Variants in KPNA3 observed in about 807,000 individuals in gnomAD.
KPNA3 encodes karyopherin subunit alpha 3.
In KPNA3, 13 loss-of-function variants were observed where a neutral mutation model predicts 73.8. The observed-to-expected ratio is 0.18, with a 90% CI of 0.11 to 0.28. The LOEUF is 0.28. KPNA3 is among the 10% of genes least tolerant of loss of function. KPNA3 has a pLI of 1.00. For missense variants in KPNA3, 360 were observed against 618.1 expected, an observed-to-expected ratio of 0.58 and a Z score of 4.43; for synonymous variants, 186 against 206.9, an observed-to-expected ratio of 0.90 and a Z score of 0.87.
chr13:49,751,473 C>CGG (rs140326353), intron 1 of KPNA3, among the ~76,000 whole-genome samples: 30 of 152,146 alleles, frequency 2.0e-4, no homozygotes, highest in African/African-American at 7.0e-4. Flanking sequence ...ACAATGCAGC[C>CGG]GGGGGGGTTC....
At chr13:49,749,013 TCCTATAACTGA>T (rs1389039999) in intron 1 of KPNA3, among the ~76,000 whole-genome samples, 1 of 152,216 alleles carries the variant, frequency 6.6e-6, no homozygotes, top group Admixed American at 6.5e-5. Context: ...CTTCAATTTT[TCCTATAACTGA>T]AAAGAAAAAT....
chr13:49,779,637 T>C (rs1954925242), intron 1 of KPNA3, among the ~76,000 whole-genome samples: 1 of 152,162 alleles, frequency 6.6e-6, no homozygotes, highest in Admixed American at 6.6e-5. Context: ...CCACCCTTCT[T>C]AACAAATAAA....
chr13:49,760,869 AAG>A (rs1310038378), intron 1 of KPNA3, among the ~76,000 whole-genome samples: 1 of 152,154 alleles, frequency 6.6e-6, no homozygotes, highest in Non-Finnish European at 1.5e-5. Flanking sequence ...ATGGAACAAA[AAG>A]AGGAGGCAAG....
chr13:49,775,183 A>G (rs1340510532), intron 1 of KPNA3, among the ~76,000 whole-genome samples: 6 of 125,068 alleles, frequency 4.8e-5, no homozygotes, highest in Admixed American at 8.5e-5. Flanking sequence ...AAAAAAAAAA[A>G]AAAGAAAAAA....
At chr13:49,715,946 A>C (rs1011007462) in intron 10 of KPNA3, among the ~76,000 whole-genome samples, 1 of 152,228 alleles carries the variant, frequency 6.6e-6, no homozygotes, top group African/African-American at 2.4e-5. Flanking sequence ...ATCCTGTGCA[A>C]AACAACATGA....
chr13:49,704,205 C>T (rs988743667), intron 15 of KPNA3, among the ~76,000 whole-genome samples: 12 of 151,884 alleles, frequency 7.9e-5, no homozygotes, highest in Admixed American at 1.3e-4. Flanking sequence ...GCAGATCACC[C>T]GAGGTTGGGA....
At chr13:49,726,520 T>G (rs770091717) in intron 6 of KPNA3, among the ~76,000 whole-genome samples, 2 of 152,104 alleles carry the variant, frequency 1.3e-5, no homozygotes, top group Non-Finnish European at 2.9e-5. Context: ...TGTGTGTGTT[T>G]CAGGATGGGA....
intron 10 of KPNA3, among the ~76,000 whole-genome samples, chr13:49,718,419 A>C (rs1221364506): frequency 6.6e-6 from 1 of 152,174 alleles, no homozygotes; most frequent in Non-Finnish European, 1.5e-5. Flanking sequence ...GTACACTGCC[A>C]CTTTAATACC....
chr13:49,747,426 C>G (rs909741230), intron 1 of KPNA3, among the ~76,000 whole-genome samples: 2 of 152,046 alleles, frequency 1.3e-5, no homozygotes, highest in African/African-American at 4.8e-5. Context: ...TGCAGTGGCT[C>G]ACACCTGTAA....
intron 1 of KPNA3, among the ~76,000 whole-genome samples, chr13:49,777,324 A>C (rs1386239084): frequency 6.6e-6 from 1 of 152,194 alleles, no homozygotes; most frequent in East Asian, 1.9e-4. Context: ...AATGCAAAGA[A>C]AGTATACAGG....
intron 10 of KPNA3, among the ~76,000 whole-genome samples, chr13:49,716,192 A>G (rs1308266716): frequency 3.3e-5 from 5 of 152,066 alleles, no homozygotes; most frequent in African/African-American, 1.2e-4. Flanking sequence ...AGGTCCCAGT[A>G]TGTTGCCTAG....
rs145217956 is a variant in KPNA3 at position 49,719,839 on chromosome 13, A to G, written c.727-20T>C. 5.1e-4 allele frequency: 749 copies of G among 1,468,028 alleles called. No homozygotes were observed. Among genetic ancestry groups the G allele is most frequent in the Admixed American group, 3.7e-3 (215 of 58,700 alleles). The allele number at this position is 1,468,028 out of a possible 1,614,324, so 90.9% of individuals were successfully genotyped here. ...CAAAATCTGAGGAAAGAAAATAAAC[A>G]ATACTTAACATTAGTTAATTAATAT... On this transcript the variant is annotated intron_variant, in intron 9 of 16. Transcript: ENST00000261667.
chr13:49,706,261 G>A lies in KPNA3; in HGVS notation c.1137+7C>T, dbSNP rs775246468. 8.7e-6 allele frequency: 14 copies of A among 1,612,524 alleles called. No individual in the cohort carries two copies. The East Asian group carries it at 2.9e-4, about 33-fold the overall frequency. On this transcript the variant is annotated splice_region_variant and intron_variant, in intron 13 of 16. Transcript: ENST00000261667. ...AACAGACACGGTGAACTCATAATAT[G>A]ACCAACCTTAGCAAGCTGATGAATT...
chr13:49,737,324 G>C (rs1335587492), intron 2 of KPNA3, among the ~76,000 whole-genome samples: 1 of 152,142 alleles, frequency 6.6e-6, no homozygotes, highest in African/African-American at 2.4e-5. Context: ...CCACTAACAT[G>C]AGTGATCAGT....
chr13:49,732,146 A>G (rs765661004), intron 6 of KPNA3, among the ~76,000 whole-genome samples: 2 of 152,270 alleles, frequency 1.3e-5, no homozygotes, highest in Non-Finnish European at 2.9e-5. Context: ...GGCAATAAAC[A>G]GGAGATAAAA....
intron 1 of KPNA3, among the ~76,000 whole-genome samples, chr13:49,765,371 T>A (rs6561560): frequency 0.92 from 140,664 of 152,328 alleles, 65,117 homozygotes; most frequent in East Asian, 1. Flanking sequence ...AATACAGCAA[T>A]GTGGAACCAT....
chr13:49,732,706 T>C (rs1954481471), intron 4 of KPNA3, 41 bp downstream of exon 4: 1 of 1,581,826 alleles, frequency 6.3e-7, no homozygotes, highest in Admixed American at 1.7e-5. Context: ...AAAATCAATT[T>C]CAAAATACTT....
intron 1 of KPNA3, among the ~76,000 whole-genome samples, chr13:49,754,323 C>A (rs1676193504): frequency 6.6e-6 from 1 of 151,888 alleles, no homozygotes. Context: ...AACAAAAAAA[C>A]AACTAAGTGT....
chr13:49,740,504 T>C (rs369673247), intron 2 of KPNA3, among the ~76,000 whole-genome samples: 3 of 152,266 alleles, frequency 2.0e-5, no homozygotes, highest in East Asian at 3.9e-4. Flanking sequence ...GTTCTCATGA[T>C]AGTGAATGAG....
Sources: gnomAD v4.1 joint callset for allele counts (sites outside exome capture counted in the v4.1 genomes callset) on GRCh38, gnomAD v4.1.1 for gene constraint, MANE v1.5 for transcripts, NCBI Gene and HGNC (gene_info 2026-07-23, HGNC 2026-07-21) for gene names.